KCND2: variants seen among roughly 807,000 people sequenced by gnomAD.
The protein encoded by KCND2 is potassium voltage-gated channel subfamily D member 2.
KCND2 carries 16 observed loss-of-function variants against 54.4 expected under a neutral mutation model. That is an observed-to-expected ratio of 0.29 (90% CI 0.20 to 0.45). The LOEUF is 0.45. Ranked by LOEUF, KCND2 falls within the 20% of genes least tolerant of loss-of-function variation. The pLI is 1.00. For synonymous variants in KCND2, 317 were observed against 310.7 expected (o/e 1.02, Z -0.21); for missense variants, 486 against 824.2 (o/e 0.59, Z 5.02).
chr7:120,476,573 C>G, intron 1 of KCND2, among the ~76,000 whole-genome samples: 1 of 152,166 alleles, frequency 6.6e-6, no homozygotes, highest in East Asian at 1.9e-4. Context: ...AGACATTAAA[C>G]TTGACCTCCT....
intron 1 of KCND2, among the ~76,000 whole-genome samples, chr7:120,631,302 G>A (rs1793230667): frequency 6.6e-6 from 1 of 152,046 alleles, no homozygotes; most frequent in South Asian, 2.1e-4. Flanking sequence ...AGTGTATGAA[G>A]TAGGCCAGTA....
At chr7:120,623,192 AAG>A (rs1167134436) in intron 1 of KCND2, among the ~76,000 whole-genome samples, 6 of 152,178 alleles carry the variant, frequency 3.9e-5, no homozygotes, top group African/African-American at 1.2e-4. Flanking sequence ...GGTCACTGCC[AAG>A]ATTGGAAACA....
chr7:120,536,655 C>A lies in KCND2; in HGVS notation c.1116-196248C>A, dbSNP rs144680808. Reference sequence around the variant, plus strand: ...CATCTCAAGAAACTACTCTTTTGCTCATCAATAAAAAGCACATCCTCCTCC... The same window carrying A: ...CATCTCAAGAAACTACTCTTTTGCTAATCAATAAAAAGCACATCCTCCTCC... On this transcript the variant is annotated intron_variant, in intron 1 of 5. Coordinates refer to ENST00000331113, the MANE Select transcript of KCND2 (RefSeq NM_012281.3). Among the ~76,000 whole-genome samples, 1,042 of 152,244 alleles carry A rather than the reference C, an allele frequency of 6.8e-3. 9 individuals are homozygous for A. The highest frequency in any genetic ancestry group is 0.037 in the South Asian group (177 of 4,816).
intron 1 of KCND2, among the ~76,000 whole-genome samples, chr7:120,468,174 A>G (rs923735268): frequency 6.6e-6 from 1 of 152,120 alleles, no homozygotes; most frequent in African/African-American, 2.4e-5. Context: ...CATATAGTAT[A>G]GAAAACAATG....
chr7:120,359,547 G>A (rs189400256), intron 1 of KCND2, among the ~76,000 whole-genome samples: 2 of 152,242 alleles, frequency 1.3e-5, no homozygotes, highest in South Asian at 2.1e-4. Flanking sequence ...TAATGTAAAT[G>A]TAGTTCCTCG....
chr7:120,623,218 G>C (rs1252917633), intron 1 of KCND2, among the ~76,000 whole-genome samples: 1 of 152,154 alleles, frequency 6.6e-6, no homozygotes, highest in Non-Finnish European at 1.5e-5. Context: ...CATGATAAAT[G>C]CCTAACATTG....
intron 1 of KCND2, among the ~76,000 whole-genome samples, chr7:120,477,710 A>T (rs9641640): frequency 1.3e-5 from 2 of 152,042 alleles, no homozygotes; most frequent in African/African-American, 4.8e-5. Context: ...GGCTGGGAGA[A>T]GGGTCTGCAG....
At chr7:120,372,421 C>A (rs4140688) in intron 1 of KCND2, among the ~76,000 whole-genome samples, 16,151 of 151,704 alleles carry the variant, frequency 0.11, 893 homozygotes, top group Admixed American at 0.13. Flanking sequence ...TGTTAGTTCA[C>A]TGGGCAATGA....
chr7:120,722,578 T>G (rs752782695), intron 1 of KCND2, among the ~76,000 whole-genome samples: 10 of 152,168 alleles, frequency 6.6e-5, no homozygotes, highest in Non-Finnish European at 1.3e-4. Flanking sequence ...CAGGCCTTCT[T>G]TGGCAGAATT....
At chr7:120,737,515 C>T (rs796265573) in intron 2 of KCND2, among the ~76,000 whole-genome samples, 30 of 152,092 alleles carry the variant, frequency 2.0e-4, no homozygotes, top group African/African-American at 6.3e-4. Flanking sequence ...CTGCTTAGCC[C>T]TGCCATCTCC....
chr7:120,596,733 G>A (rs1438837505), intron 1 of KCND2, among the ~76,000 whole-genome samples: 5 of 73,086 alleles, frequency 6.8e-5, no homozygotes, highest in Non-Finnish European at 2.4e-4. Context: ...TTACCATACT[G>A]TTAGTTCCTG....
intron 1 of KCND2, among the ~76,000 whole-genome samples, chr7:120,590,891 T>C (rs1458193474): frequency 6.6e-6 from 1 of 152,206 alleles, no homozygotes; most frequent in African/African-American, 2.4e-5. Context: ...CAGAGAATTT[T>C]TTTTATGTTT....
chr7:120,491,552 T>G (rs982213451), intron 1 of KCND2, among the ~76,000 whole-genome samples: 1 of 152,156 alleles, frequency 6.6e-6, no homozygotes, highest in African/African-American at 2.4e-5. Flanking sequence ...TAGCCTACAT[T>G]TGTGGTACAT....
intron 1 of KCND2, among the ~76,000 whole-genome samples, chr7:120,401,835 T>C (rs1338503765): frequency 6.6e-6 from 1 of 152,156 alleles, no homozygotes; most frequent in Non-Finnish European, 1.5e-5. Context: ...CTTATTTTTC[T>C]ATCCTTTCTT....
intron 1 of KCND2, among the ~76,000 whole-genome samples, chr7:120,657,118 C>T (rs1791812463): frequency 1.3e-5 from 2 of 151,998 alleles, no homozygotes; most frequent in South Asian, 2.1e-4. Flanking sequence ...AAGAAATAAA[C>T]AGCTATAGCC....
At chr7:120,388,100 G>A (rs62471545) in intron 1 of KCND2, among the ~76,000 whole-genome samples, 15,530 of 151,878 alleles carry the variant, frequency 0.1, 833 homozygotes, top group Admixed American at 0.13. Flanking sequence ...ATTCTTGCTG[G>A]GAAAAATAAA....
At chr7:120,711,539 G>A (rs1321967897) in intron 1 of KCND2, among the ~76,000 whole-genome samples, 1 of 152,110 alleles carries the variant, frequency 6.6e-6, no homozygotes, top group South Asian at 2.1e-4. Flanking sequence ...AACTAAATAG[G>A]CGATGGAGAA....
intron 1 of KCND2, among the ~76,000 whole-genome samples, chr7:120,400,212 T>C (rs2116078005): frequency 6.6e-6 from 1 of 152,280 alleles, no homozygotes; most frequent in Non-Finnish European, 1.5e-5. Flanking sequence ...AACACAACAA[T>C]TTGTATATTA....
At chr7:120,590,218 C>A (rs1283974135) in intron 1 of KCND2, among the ~76,000 whole-genome samples, 1 of 152,040 alleles carries the variant, frequency 6.6e-6, no homozygotes, top group Non-Finnish European at 1.5e-5. Flanking sequence ...GGGGTTTCAC[C>A]ATATTGGCCC....
Sources: gnomAD v4.1 joint callset for allele counts (sites outside exome capture counted in the v4.1 genomes callset) on GRCh38, gnomAD v4.1.1 for gene constraint, MANE v1.5 for transcripts, NCBI Gene and HGNC (gene_info 2026-07-23, HGNC 2026-07-21) for gene names.